The following SCCPDH variants were observed in gnomAD, a reference collection of about 807,000 sequenced individuals.
The protein encoded by SCCPDH is saccharopine dehydrogenase-like oxidoreductase.
In SCCPDH, 34 loss-of-function variants were observed where a neutral mutation model predicts 51.5. The ratio of observed to expected loss-of-function variants is 0.66; its 90% CI spans 0.50 to 0.88. SCCPDH has a LOEUF of 0.88. SCCPDH is among the 40% of genes least tolerant of loss of function. SCCPDH has a pLI of 0.00. For synonymous variants in SCCPDH, 187 were observed against 191.3 expected (o/e 0.98, Z 0.19); for missense variants, 464 against 527.1 (o/e 0.88, Z 1.17).
In SCCPDH at chr1:246,739,650, G is replaced by C. The variant is rs1291686013; in HGVS notation, c.385-522G>C. Among the ~76,000 whole-genome samples, 3 of 152,192 alleles carry C rather than the reference G, an allele frequency of 2.0e-5. No individual in the cohort carries two copies. In the East Asian group the frequency reaches 5.8e-4, roughly 29 times the overall value. On this transcript the variant is annotated intron_variant, in intron 3 of 11. Transcript: ENST00000366510. ...AGATGTTAAAAATAGAGAAAACTGGGTTTCAGAGTACTTGGGAACTCTCTA... is the reference window on the plus strand; with the variant it reads ...AGATGTTAAAAATAGAGAAAACTGGCTTTCAGAGTACTTGGGAACTCTCTA...
intron 5 of SCCPDH, among the ~76,000 whole-genome samples, chr1:246,752,798 TA>T (rs1668868747): frequency 6.6e-6 from 1 of 152,214 alleles, no homozygotes; most frequent in Admixed American, 6.5e-5. Context: ...CTCTCTCTGA[TA>T]AGTTTGTTCC....
At chr1:246,735,724 GT>G (rs1668556217) in intron 2 of SCCPDH, among the ~76,000 whole-genome samples, 1 of 152,112 alleles carries the variant, frequency 6.6e-6, no homozygotes, top group African/African-American at 2.4e-5. Context: ...TCGAGATGGG[GT>G]TTCACCATGT....
chr1:246,725,027 T>G (rs955806931), intron 1 of SCCPDH, among the ~76,000 whole-genome samples: 1 of 152,156 alleles, frequency 6.6e-6, no homozygotes, highest in South Asian at 2.1e-4. Flanking sequence ...TTTGGTCTCT[T>G]GGAGATCGGA....
At chr1:246,757,365 A>G (rs1053319537) in intron 5 of SCCPDH, among the ~76,000 whole-genome samples, 3 of 149,406 alleles carry the variant, frequency 2.0e-5, no homozygotes, top group Non-Finnish European at 4.5e-5. Flanking sequence ...AAAAAAAAAA[A>G]GGGCCAGCGC....
chr1:246,741,415 A>G (rs1056072388), intron 4 of SCCPDH, among the ~76,000 whole-genome samples: 2 of 152,060 alleles, frequency 1.3e-5, no homozygotes, highest in African/African-American at 4.8e-5. Flanking sequence ...TCCCTCCACA[A>G]CCTCCTAAGT....
rs577147696 is a variant in SCCPDH at position 246,735,775 on chromosome 1, A to C, written c.304-200A>C. ...TTGAACTCCTGACCTCAAGTGATCT[A>C]CCTGCCTCGGCCTCCCAAAGTTCTG... On this transcript the variant is annotated intron_variant, in intron 2 of 11. Coordinates refer to ENST00000366510, the MANE Select transcript of SCCPDH (RefSeq NM_016002.3). Among the ~76,000 whole-genome samples the C allele has an allele frequency of 3.3e-4, 50 of 152,134 alleles. No homozygotes were observed. The East Asian group carries it at 7.9e-3, about 24-fold the overall frequency.
intron 1 of SCCPDH, among the ~76,000 whole-genome samples, chr1:246,725,836 A>T (rs1668389902): frequency 6.6e-6 from 1 of 152,052 alleles, no homozygotes; most frequent in South Asian, 2.1e-4. Flanking sequence ...ATATACCTTC[A>T]CCTATTGAAA....
rs1668518055 is a variant in SCCPDH, at chr1:246,733,225, T to G, written c.304-2750T>G. Among the ~76,000 whole-genome samples, 4 of 152,154 alleles carry G rather than the reference T, an allele frequency of 2.6e-5. No individual in the cohort carries two copies. In the East Asian group the frequency reaches 7.7e-4, roughly 29 times the overall value. On this transcript the variant is annotated intron_variant, in intron 2 of 11. Transcript: ENST00000366510. ...CCTCAGCCCTGAAAGTAGCTGGGAC[T>G]ATAGACTGGTGCTATCACATCTGGC...
intron 2 of SCCPDH, among the ~76,000 whole-genome samples, chr1:246,731,023 G>A (rs1401912165): frequency 7.2e-5 from 11 of 152,192 alleles, no homozygotes; most frequent in Admixed American, 5.9e-4. Flanking sequence ...TTGCGCCATT[G>A]TATTCAAGCC....
Sources: allele counts gnomAD v4.1 joint callset (sites outside exome capture counted in the v4.1 genomes callset), GRCh38; gene constraint gnomAD v4.1.1; transcripts MANE v1.5; gene names NCBI Gene and HGNC (gene_info 2026-07-23, HGNC 2026-07-21).